HERC3: variants seen among roughly 807,000 people sequenced by gnomAD.
The protein encoded by HERC3 is probable E3 ubiquitin-protein ligase HERC3.
HERC3 carries 58 observed loss-of-function variants against 129.9 expected under a neutral mutation model. The observed-to-expected ratio is 0.45, with a 90% CI of 0.36 to 0.56. The LOEUF is 0.56. Ranked by LOEUF, HERC3 falls within the 20% of genes least tolerant of loss-of-function variation. HERC3 has a pLI of 0.00. For synonymous variants in HERC3, 430 were observed against 451.0 expected (o/e 0.95, Z 0.59); for missense variants, 835 against 1,244.2 (o/e 0.67, Z 4.95).
At position 88,628,522 on chromosome 4, in the gene HERC3, A is replaced by G. The variant is rs1578197930; in HGVS notation, c.227-21318A>G. On this transcript the variant is annotated intron_variant, in intron 3 of 25. Coordinates refer to ENST00000402738, the MANE Select transcript of HERC3 (RefSeq NM_014606.3). Reference sequence around the variant, plus strand: ...TTCTAGTTGGAGTTCTTATATATACATATATTTTTAAGAGAAAAATTGACA... The same window carrying G: ...TTCTAGTTGGAGTTCTTATATATACGTATATTTTTAAGAGAAAAATTGACA... Among the ~76,000 whole-genome samples the G allele has an allele frequency of 2.6e-5, 4 of 152,212 alleles. 1 individual carries two copies. Among genetic ancestry groups the G allele is most frequent in the Admixed American group, 2.6e-4 (4 of 15,282 alleles).
At chr4:88,688,771 G>A (rs964923030) in intron 23 of HERC3, among the ~76,000 whole-genome samples, 7 of 152,136 alleles carry the variant, frequency 4.6e-5, no homozygotes, top group Admixed American at 1.3e-4. Context: ...ATTTGAGGTC[G>A]CTTACAGCAA....
At chr4:88,649,401 T>C (rs1386068775) in intron 3 of HERC3, among the ~76,000 whole-genome samples, 1 of 152,204 alleles carries the variant, frequency 6.6e-6, no homozygotes, top group Non-Finnish European at 1.5e-5. Context: ...TTTAGCATTC[T>C]GGGTGTGTTT....
chr4:88,590,335 CGGATCACGAGGTCA>C (rs1560642452), upstream of HERC3, among the ~76,000 whole-genome samples: 1 of 151,776 alleles, frequency 6.6e-6, no homozygotes, highest in Non-Finnish European at 1.5e-5. Flanking sequence ...CCGAGGTGGG[CGGATCACGAGGTCA>C]GGAGATTGAG....
At chr4:88,663,158 T>G (rs1730678433) in intron 11 of HERC3, among the ~76,000 whole-genome samples, 1 of 152,192 alleles carries the variant, frequency 6.6e-6, no homozygotes, top group African/African-American at 2.4e-5. Context: ...TCAAGCTCTG[T>G]GCACTAAGTT....
chr4:88,557,588 G>A, the HERC3 span, among the ~76,000 whole-genome samples: 5 of 152,268 alleles, frequency 3.3e-5, no homozygotes, highest in African/African-American at 7.2e-5. Flanking sequence ...ATTTCATTGA[G>A]TGACTTAAAA....
At chr4:88,704,461 A>C (rs570574545) in intron 24 of HERC3, 47 bp from the exon 25 acceptor site, 1 of 1,351,750 alleles carries the variant, frequency 7.4e-7, no homozygotes, top group African/African-American at 1.4e-5. Flanking sequence ...TGTCCACTAT[A>C]ATATTCTTCC....
intron 23 of HERC3, chr4:88,697,536 C>G: frequency 5.6e-6 from 9 of 1,614,162 alleles, no homozygotes; most frequent in Non-Finnish European, 6.8e-6. Context: ...CCGAATTAGG[C>G]AGGCTCTCGA....
chr4:88,574,413 A>C, the HERC3 span, among the ~76,000 whole-genome samples: 2 of 149,522 alleles, frequency 1.3e-5, no homozygotes, highest in African/African-American at 5.1e-5. Context: ...ATTATTTTTA[A>C]TTGTGGTAAA....
chr4:88,541,748 C>T, the HERC3 span, among the ~76,000 whole-genome samples: 1 of 152,210 alleles, frequency 6.6e-6, no homozygotes, highest in Non-Finnish European at 1.5e-5. Flanking sequence ...CAAACTGTCT[C>T]TCAGACCACA....
At chr4:88,530,656 A>G in the HERC3 span, among the ~76,000 whole-genome samples, 1 of 152,194 alleles carries the variant, frequency 6.6e-6, no homozygotes, top group Admixed American at 6.5e-5. Context: ...TGAGCCATCA[A>G]TACTATACTA....
At chr4:88,625,982 C>T (rs72663451) in intron 3 of HERC3, among the ~76,000 whole-genome samples, 5,351 of 152,040 alleles carry the variant, frequency 0.035, 147 homozygotes, top group Non-Finnish European at 0.052. Context: ...ACCTCTCATT[C>T]CTGGAATAAA....
chr4:88,604,246 C>T (rs942940034), intron 2 of HERC3, among the ~76,000 whole-genome samples: 1 of 152,114 alleles, frequency 6.6e-6, no homozygotes, highest in South Asian at 2.1e-4. Flanking sequence ...GTGGAACTCC[C>T]GACCTCAGGT....
the HERC3 span, among the ~76,000 whole-genome samples, chr4:88,559,060 T>G: frequency 4.6e-5 from 7 of 152,148 alleles, no homozygotes; most frequent in South Asian, 1.5e-3. Flanking sequence ...TATTATGGAA[T>G]ATATTGATAG....
chr4:88,607,349 G>A (rs1438306582), intron 3 of HERC3, among the ~76,000 whole-genome samples: 1 of 152,188 alleles, frequency 6.6e-6, no homozygotes, highest in Non-Finnish European at 1.5e-5. Flanking sequence ...GATGGAAGAG[G>A]ATAAGCTGGA....
intron 10 of HERC3, among the ~76,000 whole-genome samples, chr4:88,659,054 G>T (rs1359386315): frequency 6.6e-6 from 1 of 152,186 alleles, no homozygotes; most frequent in East Asian, 1.9e-4. Flanking sequence ...GTGGATCCAG[G>T]TTTCTGTGAC....
At chr4:88,572,382 C>T in the HERC3 span, among the ~76,000 whole-genome samples, 1 of 151,418 alleles carries the variant, frequency 6.6e-6, no homozygotes, top group African/African-American at 2.4e-5. Flanking sequence ...GAGCTGTGAC[C>T]ATCACTGCAC....
chr4:88,622,190 T>C (rs971575653), intron 3 of HERC3, among the ~76,000 whole-genome samples: 1 of 152,250 alleles, frequency 6.6e-6, no homozygotes, highest in South Asian at 2.1e-4. Flanking sequence ...ACTTTCTGTT[T>C]CTATAGATTT....
intron 3 of HERC3, among the ~76,000 whole-genome samples, chr4:88,644,035 G>A (rs1008963595): frequency 6.6e-6 from 1 of 152,148 alleles, no homozygotes; most frequent in African/African-American, 2.4e-5. Flanking sequence ...AAAGATGTTT[G>A]ACATCTTTAG....
rs187228596 is a variant in HERC3, at chr4:88,704,456, A to T, written c.2842-52A>T. On this transcript the variant is annotated intron_variant, in intron 24 of 25. Coordinates refer to ENST00000402738, the MANE Select transcript of HERC3 (RefSeq NM_014606.3). Reference sequence around the variant, plus strand: ...CAAATGCAAATGATATATAATGTCCACTATAATATTCTTCCAAGATACATT... The same window carrying T: ...CAAATGCAAATGATATATAATGTCCTCTATAATATTCTTCCAAGATACATT... The T allele has an allele frequency of 1.7e-5, 22 of 1,301,312 alleles. No individual in the cohort carries two copies. The Admixed American group carries it at 1.9e-4, about 11-fold the overall frequency. 80.6% of individuals were successfully genotyped at this position (1,301,312 alleles called of 1,614,324 possible).
Sources: gnomAD v4.1 joint callset for allele counts (sites outside exome capture counted in the v4.1 genomes callset) on GRCh38, gnomAD v4.1.1 for gene constraint, MANE v1.5 for transcripts, NCBI Gene and HGNC (gene_info 2026-07-23, HGNC 2026-07-21) for gene names.